Variants in RSRC1 observed in about 807,000 individuals in gnomAD.
RSRC1 encodes the protein arginine and serine rich coiled-coil 1, also known as serine/Arginine-related protein 53.
Under a neutral mutation model 49.1 loss-of-function variants are expected in RSRC1, and 39 were observed. The observed-to-expected ratio is 0.79, with a 90% CI of 0.61 to 1.04. RSRC1 has a LOEUF of 1.04. Ranked by LOEUF, RSRC1 falls within the 50% of genes least tolerant of loss-of-function variation. The probability of loss-of-function intolerance (pLI) is 0.00; values close to 1 mark genes in which losing one functional copy is unlikely to be tolerated. For synonymous variants in RSRC1, 143 were observed against 130.8 expected, an observed-to-expected ratio of 1.09 and a Z score of -0.63; for missense variants, 388 against 402.4, an observed-to-expected ratio of 0.96 and a Z score of 0.31.
At chr3:158,135,005 T>G (rs1716277945) in intron 3 of RSRC1, among the ~76,000 whole-genome samples, 1 of 152,144 alleles carries the variant, frequency 6.6e-6, no homozygotes, top group Non-Finnish European at 1.5e-5. Context: ...ATTGATAATT[T>G]TTTTCTAGCT....
intron 3 of RSRC1, among the ~76,000 whole-genome samples, chr3:158,149,885 A>G (rs1717418677): frequency 6.6e-6 from 1 of 151,708 alleles, no homozygotes; most frequent in Non-Finnish European, 1.5e-5. Context: ...TGACAGCATA[A>G]CCCTGTAACA....
At chr3:158,375,884 A>G (rs1000499848) in intron 6 of RSRC1, among the ~76,000 whole-genome samples, 3 of 152,168 alleles carry the variant, frequency 2.0e-5, no homozygotes, top group African/African-American at 2.4e-5. Flanking sequence ...AGCGTCTTTC[A>G]TATGCCAGGT....
chr3:158,118,610 T>G (rs537670267), intron 1 of RSRC1, among the ~76,000 whole-genome samples: 1 of 152,342 alleles, frequency 6.6e-6, no homozygotes, highest in South Asian at 2.1e-4. Context: ...TTCTTGAAGT[T>G]TTCTTCTGTA....
chr3:158,426,380 AATCTT>A (rs1408666064), intron 6 of RSRC1, among the ~76,000 whole-genome samples: 1 of 151,640 alleles, frequency 6.6e-6, no homozygotes, highest in East Asian at 2.0e-4. Flanking sequence ...AGAAAAAAAA[AATCTT>A]AGAGGAAAAT....
chr3:158,194,966 A>G (rs892044621), intron 3 of RSRC1, among the ~76,000 whole-genome samples: 1 of 152,142 alleles, frequency 6.6e-6, no homozygotes, highest in African/African-American at 2.4e-5. Flanking sequence ...ATACATGTGC[A>G]TGTGTCTTTA....
intron 7 of RSRC1, among the ~76,000 whole-genome samples, chr3:158,531,744 C>T (rs1017568257): frequency 1.3e-5 from 2 of 151,794 alleles, no homozygotes; most frequent in Non-Finnish European, 2.9e-5. Flanking sequence ...ATTTATAATG[C>T]TTGCCTTGTA....
chr3:158,513,225 C>G (rs1206402248), intron 7 of RSRC1, among the ~76,000 whole-genome samples: 3 of 149,112 alleles, frequency 2.0e-5, no homozygotes, highest in African/African-American at 7.4e-5. Flanking sequence ...CAGTTTTTGC[C>G]CATTCAGTAT....
chr3:158,129,883 A>G (rs1715899267), intron 3 of RSRC1, among the ~76,000 whole-genome samples: 1 of 152,202 alleles, frequency 6.6e-6, no homozygotes, highest in South Asian at 2.1e-4. Context: ...TTGACATCAT[A>G]GAATGTTTTA....
At chr3:158,313,079 A>T (rs1353211515) in intron 5 of RSRC1, among the ~76,000 whole-genome samples, 1 of 152,096 alleles carries the variant, frequency 6.6e-6, no homozygotes, top group African/African-American at 2.4e-5. Flanking sequence ...TTTGTTCAAA[A>T]TATGGTATAC....
intron 7 of RSRC1, among the ~76,000 whole-genome samples, chr3:158,502,188 G>A (rs1037286486): frequency 1.1e-4 from 16 of 152,114 alleles, no homozygotes; most frequent in South Asian, 2.1e-4. Context: ...CTGAAGATAC[G>A]GCCCCAATCT....
chr3:158,139,401 G>C (rs1716600467), intron 3 of RSRC1, among the ~76,000 whole-genome samples: 1 of 150,842 alleles, frequency 6.6e-6, no homozygotes, highest in South Asian at 2.1e-4. Flanking sequence ...GCAAGACTTA[G>C]TCTGGAAAAA....
chr3:158,445,659 A>G (rs1349935182), intron 6 of RSRC1, among the ~76,000 whole-genome samples: 1 of 152,066 alleles, frequency 6.6e-6, no homozygotes, highest in Non-Finnish European at 1.5e-5. Context: ...AACAACAACA[A>G]CAACGAAAAA....
chr3:158,181,193 T>C lies in RSRC1; in HGVS notation c.321-21879T>C, dbSNP rs1314962353. On this transcript the variant is annotated intron_variant, in intron 3 of 9. Coordinates refer to ENST00000611884, the MANE Select transcript of RSRC1 (RefSeq NM_001271838.2). ...TAGATGATCAGCAAAACTATTTCTG[T>C]TCCTGAAAATTTATGAAATCCTTTT... Among the ~76,000 whole-genome samples the C allele has an allele frequency of 2.0e-5, 3 of 152,314 alleles. No individual in the cohort carries two copies. In the East Asian group the frequency reaches 5.8e-4, roughly 29 times the overall value.
chr3:158,153,496 G>A lies in RSRC1; in HGVS notation c.320+29505G>A, dbSNP rs533778228. Among the ~76,000 whole-genome samples, 10 of 152,314 alleles carry A rather than the reference G, an allele frequency of 6.6e-5. No individual in the cohort carries two copies. In the South Asian group the frequency reaches 1.0e-3, roughly 16 times the overall value. ...CAATGTGGCATGGTATTGTGTTGCA[G>A]GGTAATGCTGTAACTTAATAAGTGA... On this transcript the variant is annotated intron_variant, in intron 3 of 9. Transcript: ENST00000611884.
chr3:158,146,721 T>A (rs1717149653), intron 3 of RSRC1, among the ~76,000 whole-genome samples: 1 of 152,192 alleles, frequency 6.6e-6, no homozygotes, highest in South Asian at 2.1e-4. Context: ...CTCCTCCTTG[T>A]ACCTCTGGTA....
At chr3:158,330,891 A>C (rs1228733846) in intron 5 of RSRC1, among the ~76,000 whole-genome samples, 1 of 147,486 alleles carries the variant, frequency 6.8e-6, no homozygotes, top group Admixed American at 6.8e-5. Flanking sequence ...AACTTATTAA[A>C]AAAAAAAAAA....
chr3:158,308,259 T>C (rs1727946610), intron 5 of RSRC1, among the ~76,000 whole-genome samples: 2 of 152,004 alleles, frequency 1.3e-5, no homozygotes, highest in African/African-American at 2.4e-5. Context: ...CAGTGGTTTG[T>C]ACGCAATTTC....
At chr3:158,354,814 T>TAA (rs771571979) in intron 5 of RSRC1, 43 bp from the exon 6 acceptor site, 15 of 1,482,990 alleles carry the variant, frequency 1.0e-5, no homozygotes, top group Middle Eastern at 1.7e-4. Context: ...AACTGACCTG[T>TAA]AAAAGTCTTG....
intron 6 of RSRC1, among the ~76,000 whole-genome samples, chr3:158,441,477 A>T (rs988826791): frequency 2.0e-5 from 3 of 152,060 alleles, no homozygotes; most frequent in African/African-American, 7.2e-5. Context: ...GAGCAAGAAT[A>T]TTCCTGCATC....
Sources: gnomAD v4.1 joint callset for allele counts (sites outside exome capture counted in the v4.1 genomes callset) on GRCh38, gnomAD v4.1.1 for gene constraint, MANE v1.5 for transcripts, NCBI Gene and HGNC (gene_info 2026-07-23, HGNC 2026-07-21) for gene names.